The following COL26A1 variants were observed in gnomAD, a reference collection of about 807,000 sequenced individuals.
COL26A1 encodes collagen type XXVI alpha 1 chain, also known as collagen alpha-1(XXVI) chain.
COL26A1 carries 41 observed loss-of-function variants against 59.3 expected under a neutral mutation model. The ratio of observed to expected loss-of-function variants is 0.69; its 90% CI spans 0.54 to 0.90. The LOEUF is 0.90. Ranked by LOEUF, COL26A1 falls within the 40% of genes least tolerant of loss-of-function variation. COL26A1 has a pLI of 0.00. For missense variants in COL26A1, 612 were observed against 602.3 expected, an observed-to-expected ratio of 1.02 and a Z score of -0.17; for synonymous variants, 266 against 256.0, an observed-to-expected ratio of 1.04 and a Z score of -0.37.
chr7:101,441,251 G>T (rs1193139632), intron 2 of COL26A1, among the ~76,000 whole-genome samples: 3 of 152,262 alleles, frequency 2.0e-5, no homozygotes, highest in East Asian at 1.9e-4. Context: ...GGCCTCTGTT[G>T]TTCTCAGTCA....
At chr7:101,493,691 G>A (rs935723087) in intron 3 of COL26A1, among the ~76,000 whole-genome samples, 2 of 150,268 alleles carry the variant, frequency 1.3e-5, no homozygotes, top group Non-Finnish European at 2.9e-5. Flanking sequence ...GGGAGGCCAA[G>A]GTGGAGGATC....
At position 101,501,210 on chromosome 7, in the gene COL26A1, AAGAAAAG is replaced by A. The variant is rs1221439175; in HGVS notation, c.386-31870_386-31864del. ...CAAAAAAAAAAAAAAAAGAAAAGAA[AAGAAAAG>A]AAAAAAAAAAAAAAAAGAAATGCTT... On this transcript the variant is annotated intron_variant, in intron 3 of 12. Transcript: ENST00000313669. Among the ~76,000 whole-genome samples, 12 of 129,692 alleles carry A rather than the reference AAGAAAAG, an allele frequency of 9.3e-5. No homozygotes were observed. In the East Asian group the frequency reaches 1.0e-3, roughly 11 times the overall value. The allele number at this position is 129,692 out of a possible 152,430, so 85.1% of individuals were successfully genotyped here. A position where few individuals can be genotyped will look rare whatever the true frequency, so the allele number is the denominator to read the frequency against.
chr7:101,540,671 G>C (rs1795596328), intron 5 of COL26A1, among the ~76,000 whole-genome samples: 1 of 151,796 alleles, frequency 6.6e-6, no homozygotes, highest in Non-Finnish European at 1.5e-5. Context: ...TGGGCAACAT[G>C]GTAAAACCCC....
chr7:101,459,894 A>T (rs1425594747), intron 3 of COL26A1, among the ~76,000 whole-genome samples: 1 of 152,090 alleles, frequency 6.6e-6, no homozygotes, highest in Non-Finnish European at 1.5e-5. Context: ...GTCCAAGGCG[A>T]TGCTAACCAT....
rs544614548 is a variant in COL26A1 at position 101,555,547 on chromosome 7, C to T, written c.1081-240C>T. On this transcript the variant is annotated intron_variant, in intron 11 of 12. Transcript: ENST00000313669. The stretch of plus-strand genomic sequence containing the variant: ...CGGCCGCTTTGCCAGGCTGTGTGGC[C>T]GTGGGGAGGTTGCCTGCCCTCTCTG... Among the ~76,000 whole-genome samples, 85 of 152,204 alleles carry T rather than the reference C, an allele frequency of 5.6e-4. 1 individual carries two copies. The highest frequency in any genetic ancestry group is 1.9e-3 in the South Asian group (9 of 4,826).
chr7:101,402,067 C>T (rs1473544165), intron 1 of COL26A1, among the ~76,000 whole-genome samples: 1 of 152,140 alleles, frequency 6.6e-6, no homozygotes, highest in Non-Finnish European at 1.5e-5. Flanking sequence ...TTCAAATTCT[C>T]CCGGGCCTGA....
chr7:101,368,120 A>G (rs1045822553), intron 1 of COL26A1, among the ~76,000 whole-genome samples: 19 of 152,234 alleles, frequency 1.2e-4, no homozygotes, highest in African/African-American at 4.6e-4. Context: ...ATTTCCAGAT[A>G]ATGGGAAATT....
At chr7:101,423,230 C>T (rs1257821419) in intron 2 of COL26A1, among the ~76,000 whole-genome samples, 16 of 152,058 alleles carry the variant, frequency 1.1e-4, no homozygotes, top group Admixed American at 1.0e-3. Flanking sequence ...CGTGCCACTG[C>T]ACTCTAGCCT....
At chr7:101,395,151 G>T (rs946081530) in intron 1 of COL26A1, among the ~76,000 whole-genome samples, 2 of 152,054 alleles carry the variant, frequency 1.3e-5, no homozygotes, top group African/African-American at 4.8e-5. Flanking sequence ...GGGATTGCGG[G>T]CATGAGCCAC....
chr7:101,459,433 G>A (rs1164506550), intron 3 of COL26A1, among the ~76,000 whole-genome samples: 1 of 150,806 alleles, frequency 6.6e-6, no homozygotes, highest in Non-Finnish European at 1.5e-5. Flanking sequence ...CTGAGTAGCT[G>A]GAATTACAGG....
At chr7:101,396,191 C>T (rs1354260181) in intron 1 of COL26A1, among the ~76,000 whole-genome samples, 2 of 152,012 alleles carry the variant, frequency 1.3e-5, no homozygotes, top group Non-Finnish European at 2.9e-5. Context: ...TTGCTTGAAC[C>T]CAGGAGGTTG....
intron 2 of COL26A1, among the ~76,000 whole-genome samples, chr7:101,426,601 T>C (rs996532480): frequency 2.0e-5 from 3 of 152,092 alleles, no homozygotes; most frequent in Non-Finnish European, 4.4e-5. Context: ...CTAGCAGACT[T>C]CCCTGGATGT....
intron 1 of COL26A1, among the ~76,000 whole-genome samples, chr7:101,380,183 G>A (rs532232078): frequency 2.0e-5 from 3 of 152,132 alleles, no homozygotes; most frequent in Admixed American, 2.0e-4. Flanking sequence ...GTAGTGATGG[G>A]GTTTCACTAT....
At chr7:101,453,353 C>CGA (rs1296280769) in intron 3 of COL26A1, among the ~76,000 whole-genome samples, 1 of 151,754 alleles carries the variant, frequency 6.6e-6, no homozygotes, top group Non-Finnish European at 1.5e-5. Flanking sequence ...GTTGACAGAG[C>CGA]GAGACCCTGT....
chr7:101,383,242 T>C (rs1584357111), intron 1 of COL26A1, among the ~76,000 whole-genome samples: 2 of 152,304 alleles, frequency 1.3e-5, no homozygotes, highest in East Asian at 1.9e-4. Context: ...ATTTGAGGCA[T>C]GTCGATTTTG....
chr7:101,473,608 C>CCACACACACA (rs150820078), intron 3 of COL26A1, among the ~76,000 whole-genome samples: 52 of 143,476 alleles, frequency 3.6e-4, no homozygotes, highest in African/African-American at 8.8e-4. Context: ...CACCTTGTCT[C>CCACACACACA]CACACACACA....
At chr7:101,396,486 G>A (rs1229338468) in intron 1 of COL26A1, among the ~76,000 whole-genome samples, 2 of 150,712 alleles carry the variant, frequency 1.3e-5, no homozygotes, top group African/African-American at 2.4e-5. Context: ...TTTTTGAGAT[G>A]GAGTCTTGCT....
chr7:101,490,529 C>CT (rs1325564320), intron 3 of COL26A1, among the ~76,000 whole-genome samples: 1 of 151,008 alleles, frequency 6.6e-6, no homozygotes, highest in South Asian at 2.1e-4. Context: ...TGGTGAAACT[C>CT]ATCTCTACTA....
chr7:101,458,451 CA>C (rs1272287409), intron 3 of COL26A1, among the ~76,000 whole-genome samples: 15 of 151,304 alleles, frequency 9.9e-5, no homozygotes, highest in African/African-American at 3.6e-4. Context: ...GCCTGGCCAA[CA>C]TGGTGAAACC....
Sources: gnomAD v4.1 joint callset for allele counts (sites outside exome capture counted in the v4.1 genomes callset) on GRCh38, gnomAD v4.1.1 for gene constraint, MANE v1.5 for transcripts, NCBI Gene and HGNC (gene_info 2026-07-23, HGNC 2026-07-21) for gene names.